MED13L: variants seen among roughly 807,000 people sequenced by gnomAD.
MED13L encodes the protein mediator of RNA polymerase II transcription subunit 13-like.
In MED13L, 7 loss-of-function variants were observed where a neutral mutation model predicts 220.9. That is an observed-to-expected ratio of 0.03 (90% CI 0.02 to 0.06). MED13L has a LOEUF of 0.06. MED13L is among the 10% of genes least tolerant of loss of function. The pLI, the probability that MED13L is intolerant of heterozygous loss-of-function variation, is 1.00. For missense variants in MED13L, 1,965 were observed against 2,760.5 expected (o/e 0.71, Z 6.46); for synonymous variants, 1,011 against 1,015.2 (o/e 1.00, Z 0.08).
At chr12:116,062,573 C>T (rs1437326736) in intron 4 of MED13L, among the ~76,000 whole-genome samples, 1 of 150,404 alleles carries the variant, frequency 6.6e-6, no homozygotes, top group African/African-American at 2.4e-5. Flanking sequence ...CTGCAACCTC[C>T]ACCTCCCGGG....
intron 3 of MED13L, among the ~76,000 whole-genome samples, chr12:116,107,170 G>A (rs1373862539): frequency 6.6e-6 from 1 of 152,120 alleles, no homozygotes; most frequent in East Asian, 1.9e-4. Flanking sequence ...GTGAAGAAAA[G>A]GACTTAAACA....
At chr12:116,268,238 T>C (rs566799706) in intron 1 of MED13L, among the ~76,000 whole-genome samples, 1 of 152,276 alleles carries the variant, frequency 6.6e-6, no homozygotes, top group South Asian at 2.1e-4. Context: ...ACATTTGAAC[T>C]TCTTAAGTAG....
chr12:116,250,998 G>T (rs1460140171), intron 1 of MED13L, among the ~76,000 whole-genome samples: 3 of 151,542 alleles, frequency 2.0e-5, no homozygotes, highest in Non-Finnish European at 2.9e-5. Flanking sequence ...GTAAGCTGTG[G>T]TAAGTAAAAG....
At chr12:116,250,140 A>G (rs1356913188) in intron 1 of MED13L, among the ~76,000 whole-genome samples, 1 of 151,830 alleles carries the variant, frequency 6.6e-6, no homozygotes, top group African/African-American at 2.4e-5. Context: ...GATACATTAC[A>G]TAAGAAAAAA....
chr12:116,134,230 A>G (rs974077384), intron 2 of MED13L, among the ~76,000 whole-genome samples: 1 of 152,224 alleles, frequency 6.6e-6, no homozygotes, highest in African/African-American at 2.4e-5. Context: ...TTGCAGTAAC[A>G]TAATCTGGAT....
intron 3 of MED13L, among the ~76,000 whole-genome samples, chr12:116,098,165 G>A (rs1872767492): frequency 6.6e-6 from 1 of 152,074 alleles, no homozygotes; most frequent in South Asian, 2.1e-4. Context: ...AGAATCACTT[G>A]AACCCGGGAG....
At chr12:116,091,786 T>C (rs1872239129) in intron 4 of MED13L, among the ~76,000 whole-genome samples, 1 of 152,258 alleles carries the variant, frequency 6.6e-6, no homozygotes, top group African/African-American at 2.4e-5. Context: ...ATGTTTTACA[T>C]GCCTCTATGG....
At chr12:116,137,638 C>T (rs1593087409) in intron 2 of MED13L, among the ~76,000 whole-genome samples, 1 of 152,010 alleles carries the variant, frequency 6.6e-6, no homozygotes, top group South Asian at 2.1e-4. Flanking sequence ...GGGAAACAGG[C>T]TTTGGAATCT....
intron 2 of MED13L, among the ~76,000 whole-genome samples, chr12:116,139,842 C>T (rs555331326): frequency 6.6e-6 from 1 of 152,016 alleles, no homozygotes; most frequent in South Asian, 2.1e-4. Context: ...TGGCAGCACA[C>T]ACCTATAATC....
chr12:116,276,891 CGA>C (rs905085254), intron 1 of MED13L, 167 bp downstream of exon 1: 8 of 973,668 alleles, frequency 8.2e-6, no homozygotes, highest in African/African-American at 1.6e-5. Context: ...GGATCCAAGG[CGA>C]GAGAGAGACG....
rs537207957 is a variant in MED13L at position 116,096,354 on chromosome 12, CAAAAAAAAAAAAAAAA to C, written c.479+299_479+314del. Among the ~76,000 whole-genome samples, 9 of 23,570 alleles carry C rather than the reference CAAAAAAAAAAAAAAAA, an allele frequency of 3.8e-4. No individual in the cohort carries two copies. The Admixed American group carries it at 4.0e-3, about 11-fold the overall frequency. The allele number at this position is 23,570 out of a possible 152,430, so 15.5% of individuals were successfully genotyped here. A position where few individuals can be genotyped will look rare whatever the true frequency, so the allele number is the denominator to read the frequency against. On this transcript the variant is annotated intron_variant, in intron 4 of 30. Coordinates refer to ENST00000281928, the MANE Select transcript of MED13L (RefSeq NM_015335.5). The stretch of plus-strand genomic sequence containing the variant: ...TGGGTGACAGAGTGAGACACAGCCT[CAAAAAAAAAAAAAAAA>C]AAAAAAAAAAAGTCAAAGATGAGGA...
intron 2 of MED13L, among the ~76,000 whole-genome samples, chr12:116,199,740 T>C (rs1881879707): frequency 1.3e-5 from 2 of 152,012 alleles, no homozygotes; most frequent in South Asian, 4.1e-4. Context: ...CATTTTTTGG[T>C]CCAGTATCAA....
rs112180620 is a variant in MED13L, at chr12:116,247,268, A to T, written c.73-9563T>A. On this transcript the variant is annotated intron_variant, in intron 1 of 30. Coordinates refer to ENST00000281928, the MANE Select transcript of MED13L (RefSeq NM_015335.5). ...AAAAAAGGAAATTTAAACAAAATTAATCAAAATGGGGTAATAGAATGTAAA... is the reference window on the plus strand; with the variant it reads ...AAAAAAGGAAATTTAAACAAAATTATTCAAAATGGGGTAATAGAATGTAAA... Among the ~76,000 whole-genome samples the T allele has an allele frequency of 8.4e-3, 1,275 of 152,282 alleles. 24 individuals are homozygous for T. Among genetic ancestry groups the T allele is most frequent in the African/African-American group, 0.029 (1,204 of 41,534 alleles).
chr12:115,983,075 G>A (rs1470777945), intron 21 of MED13L, 42 bp downstream of exon 21: 1 of 1,588,618 alleles, frequency 6.3e-7, no homozygotes, highest in Non-Finnish European at 8.6e-7. Flanking sequence ...GAGAGAAAGG[G>A]TCTGAGCTGA....
At chr12:115,984,425 G>A (rs1010464413) in intron 19 of MED13L, 53 bp from the exon 20 acceptor site, 4 of 1,585,276 alleles carry the variant, frequency 2.5e-6, no homozygotes, top group South Asian at 1.1e-5. Flanking sequence ...CCTTCATTCA[G>A]TACCAATGGT....
chr12:116,019,905 G>A lies in MED13L; in HGVS notation c.693C>T (p.Ala231=). 6.2e-7 allele frequency: 1 copy of A among 1,613,754 alleles called. No homozygotes were observed. Among genetic ancestry groups the A allele is most frequent in the Non-Finnish European group, 8.5e-7 (1 of 1,179,888 alleles). The change falls in exon 6 of 31, where the codon GCC becomes GCT. Residue 231 remains alanine, a synonymous_variant. Transcript: ENST00000281928. ...GCCATTCCTCAATCAACTTACGAGT[G>A]GCTGGGTCTGACATCTTGTATGCTT... ...TGQAYKMSDP[A]TRKLIEEWQY...
At chr12:116,023,491 G>T (rs1041542982) in intron 4 of MED13L, among the ~76,000 whole-genome samples, 3 of 152,008 alleles carry the variant, frequency 2.0e-5, no homozygotes, top group African/African-American at 7.3e-5. Flanking sequence ...TCATCTCAAA[G>T]ATGCTGCTTC....
chr12:115,980,234 A>C (rs1263120807), intron 23 of MED13L, among the ~76,000 whole-genome samples: 2 of 152,242 alleles, frequency 1.3e-5, no homozygotes, highest in African/African-American at 4.8e-5. Context: ...CATAAAAAAA[A>C]CAGTAAGAAT....
intron 2 of MED13L, among the ~76,000 whole-genome samples, chr12:116,118,643 T>C (rs375938519): frequency 2.0e-5 from 3 of 152,086 alleles, no homozygotes; most frequent in Non-Finnish European, 4.4e-5. Flanking sequence ...ATGATCAGAG[T>C]TTCCAGAAAT....
Sources: allele counts gnomAD v4.1 joint callset (sites outside exome capture counted in the v4.1 genomes callset), GRCh38; gene constraint gnomAD v4.1.1; transcripts MANE v1.5; gene names NCBI Gene and HGNC (gene_info 2026-07-23, HGNC 2026-07-21).